The following EDRF1 variants were observed in gnomAD, a reference collection of about 807,000 sequenced individuals.
The protein encoded by EDRF1 is erythroid differentiation-related factor 1.
Under a neutral mutation model 148.7 loss-of-function variants are expected in EDRF1, and 69 were observed. That is an observed-to-expected ratio of 0.46 (90% confidence interval 0.38 to 0.57). The LOEUF (loss-of-function observed/expected upper bound fraction) is 0.57. Ranked by LOEUF, EDRF1 falls within the 20% of genes least tolerant of loss-of-function variation. The pLI is 0.00. For synonymous variants in EDRF1, 515 were observed against 532.8 expected, an observed-to-expected ratio of 0.97 and a Z score of 0.46; for missense variants, 1,118 against 1,478.7, an observed-to-expected ratio of 0.76 and a Z score of 4.00.
Position 125,745,686 on chromosome 10 carries a change from TTTC to T in EDRF1, c.2591-18_2591-16del, listed in dbSNP as rs762513053. On this transcript the variant is annotated intron_variant, in intron 18 of 24. Transcript: ENST00000356792. ...CACTGATGTCTGCTTACACAGTTGT[TTTC>T]TTTCTTTCTCTGTAAAGTGAGCAAA... 3 of 1,610,862 alleles carry T rather than the reference TTTC, an allele frequency of 1.9e-6. No individual in the cohort carries two copies. The highest frequency in any genetic ancestry group is 2.5e-6 in the Non-Finnish European group (3 of 1,177,320).
chr10:125,723,911 A>G lies in EDRF1; in HGVS notation c.485A>G (p.Gln162Arg), dbSNP rs748980610. The change falls in exon 4 of 25, where the codon CAA (glutamine) becomes CGA (arginine). Residue 162 changes from glutamine (Q) to arginine (R), a missense_variant. By Grantham distance (43) the Gln-to-Arg change is conservative. Coordinates refer to ENST00000356792, the MANE Select transcript of EDRF1 (RefSeq NM_001202438.2). ...CTCTTACTAGATGAGCTAGATATTC[A>G]AGAACTCTTTATGAGATCGTCTCAG... ...RTLLLDELDI[Q>R]ELFMRSSQTG... The G allele has an allele frequency of 6.2e-7, 1 of 1,613,660 alleles. No homozygotes were observed. Among genetic ancestry groups the G allele is most frequent in the Non-Finnish European group, 8.5e-7 (1 of 1,179,630 alleles).
intron 21 of EDRF1, chr10:125,748,371 T>G: frequency 3.1e-6 from 1 of 327,744 alleles, no homozygotes; most frequent in Non-Finnish European, 5.9e-6. Flanking sequence ...CTATGATTAG[T>G]GAATTTTGGG....
intron 23 of EDRF1, among the ~76,000 whole-genome samples, chr10:125,753,290 C>T (rs935684628): frequency 6.6e-6 from 1 of 152,166 alleles, no homozygotes; most frequent in African/African-American, 2.4e-5. Flanking sequence ...GGTGAATGGG[C>T]CTAAGCAGGC....
chr10:125,721,342 G>A lies in EDRF1; in HGVS notation c.247G>A (p.Glu83Lys). The change falls in exon 2 of 25, where the codon GAG becomes AAG. Residue 83 changes from glutamate to lysine, a missense_variant. Physicochemically the swap from Glu to Lys is moderately conservative, Grantham distance 56. This residue lies in a region of EDRF1 where 99 missense variants were observed against 186.9 expected (regional missense o/e 0.53). Transcript: ENST00000356792. ...LKLPPANWLR[E>K]SAKLGPAGTT... ...ACTCCCACCTGCCAACTGGTTACGAGAGAGTGCCAAACTAGGGCCAGCAGG... is the reference window on the plus strand; with the variant it reads ...ACTCCCACCTGCCAACTGGTTACGAAAGAGTGCCAAACTAGGGCCAGCAGG... 1 of 1,614,222 alleles carries A rather than the reference G, an allele frequency of 6.2e-7. No individual in the cohort carries two copies. Among genetic ancestry groups the A allele is most frequent in the Non-Finnish European group, 8.5e-7 (1 of 1,180,038 alleles).
intron 6 of EDRF1, 136 bp from the exon 7 acceptor site, chr10:125,728,867 A>G (rs1373413503): frequency 3.0e-6 from 2 of 675,172 alleles, no homozygotes; most frequent in African/African-American, 1.8e-5. Flanking sequence ...GCGTGTTATT[A>G]TTTGTATTGG....
chr10:125,727,023 A>G (rs796420955), intron 6 of EDRF1, among the ~76,000 whole-genome samples: 3 of 108,090 alleles, frequency 2.8e-5, no homozygotes, highest in African/African-American at 1.0e-4. Context: ...TGCCATGTGT[A>G]TGTTTGTACA....
intron 8 of EDRF1, 155 bp from the exon 9 acceptor site, chr10:125,730,133 C>A: frequency 1.6e-6 from 1 of 620,074 alleles, no homozygotes; most frequent in Non-Finnish European, 2.9e-6. Context: ...AACCACTGAG[C>A]TGCATGTGCA....
chr10:125,747,271 C>T (rs1316805982), intron 19 of EDRF1: 1 of 474,586 alleles, frequency 2.1e-6, no homozygotes. Flanking sequence ...CATGCTCAGC[C>T]TGAGTCAGAA....
rs758401120 is a variant in EDRF1 at position 125,749,458 on chromosome 10, T to A, written c.3170T>A (p.Leu1057His). 1 of 1,614,190 alleles carries A rather than the reference T, an allele frequency of 6.2e-7. No homozygotes were observed. The highest frequency in any genetic ancestry group is 1.7e-5 in the Admixed American group (1 of 60,022). ...AAACAACACCGGGTGCTGGCAGATC[T>A]TCATTACAGCAAGGCCGCAAAGCTG... ...LRKQHRVLADLHYSKAAKLFQ... is the reference protein window; with the variant it reads ...LRKQHRVLADHHYSKAAKLFQ... Residue 1057 changes from leucine (L) to histidine (H), a missense_variant, in exon 22 of 25, where the codon CTT becomes CAT. Physicochemically the swap from Leu to His is moderately conservative, Grantham distance 99. This residue lies in a region of EDRF1 where 954 missense variants were observed against 1,241.4 expected (regional missense o/e 0.77). Transcript: ENST00000356792.
At chr10:125,725,957 TG>T in intron 6 of EDRF1, 119 bp downstream of exon 6, 1 of 1,161,538 alleles carries the variant, frequency 8.6e-7, no homozygotes. Context: ...GCTTATGGAA[TG>T]GGGGAAAAAA....
chr10:125,739,985 G>T (rs903992433), intron 15 of EDRF1, among the ~76,000 whole-genome samples: 2 of 152,196 alleles, frequency 1.3e-5, no homozygotes. Context: ...GGAAAAACAG[G>T]CATGTTTATA....
intron 24 of EDRF1, among the ~76,000 whole-genome samples, chr10:125,757,492 T>G (rs1849963045): frequency 6.6e-6 from 1 of 152,242 alleles, no homozygotes; most frequent in South Asian, 2.1e-4. Context: ...TTAAGAGCAA[T>G]TAAAGGGAAC....
chr10:125,753,454 G>A (rs140372908), intron 23 of EDRF1, among the ~76,000 whole-genome samples: 32 of 152,230 alleles, frequency 2.1e-4, no homozygotes, highest in Non-Finnish European at 4.4e-4. Flanking sequence ...ACATTTCTGC[G>A]TTGTGTCTAA....
chr10:125,761,008 T>G (rs1393087454), intron 24 of EDRF1, among the ~76,000 whole-genome samples: 1 of 152,224 alleles, frequency 6.6e-6, no homozygotes, highest in Non-Finnish European at 1.5e-5. Context: ...AATTTTAGTT[T>G]CCTGGAGGGT....
intron 6 of EDRF1, among the ~76,000 whole-genome samples, chr10:125,728,095 G>A (rs543206440): frequency 6.6e-6 from 1 of 151,872 alleles, no homozygotes; most frequent in South Asian, 2.1e-4. Context: ...CCAGCTACTC[G>A]GGAGGCTGAG....
At chr10:125,742,337 C>T in intron 17 of EDRF1, 2 of 1,260,074 alleles carry the variant, frequency 1.6e-6, no homozygotes, top group South Asian at 1.3e-5. Flanking sequence ...AAAGATGAGT[C>T]TTCTGAAGGT....
chr10:125,732,008 G>A (rs765818110), intron 9 of EDRF1: 10 of 346,760 alleles, frequency 2.9e-5, no homozygotes, highest in South Asian at 1.6e-4. Context: ...GCTTTGAACC[G>A]TTATATTCCA....
chr10:125,720,413 A>C (rs941359392), intron 1 of EDRF1, among the ~76,000 whole-genome samples: 1 of 152,236 alleles, frequency 6.6e-6, no homozygotes. Context: ...TGAACCATGC[A>C]TGCATGCATG....
At chr10:125,750,730 T>C (rs1021755244) in intron 22 of EDRF1, among the ~76,000 whole-genome samples, 4 of 152,242 alleles carry the variant, frequency 2.6e-5, no homozygotes, top group African/African-American at 9.6e-5. Flanking sequence ...ATTACCTATC[T>C]AAAACAGTTT....
Sources: gnomAD v4.1 joint callset for allele counts (sites outside exome capture counted in the v4.1 genomes callset) on GRCh38, gnomAD v4.1.1 for gene constraint, gnomAD v4.1.1 regional missense constraint, MANE v1.5 for transcripts, NCBI Gene and HGNC (gene_info 2026-07-23, HGNC 2026-07-21) for gene names.